The following LRIG2 variants were observed in gnomAD, a reference collection of about 807,000 sequenced individuals.
The protein encoded by LRIG2 is leucine rich repeats and immunoglobulin like domains 2, also known as leucine-rich repeats and immunoglobulin-like domains protein 2.
A neutral mutation model predicts 107.8 loss-of-function variants in LRIG2; 93 were observed. That is an observed-to-expected ratio of 0.86 (90% CI 0.73 to 1.03). The LOEUF (loss-of-function observed/expected upper bound fraction) is 1.03, where lower values mean the gene tolerates loss of function less well. Among genes scored for constraint, LRIG2 ranks in the 50% least tolerant of loss-of-function variants. The pLI is 0.00. For missense variants in LRIG2, 1,226 were observed against 1,296.0 expected (o/e 0.95, Z 0.83); for synonymous variants, 471 against 470.6 (o/e 1.00, Z -0.01).
At chr1:113,111,146 T>C (rs1263685974) in intron 13 of LRIG2, among the ~76,000 whole-genome samples, 2 of 152,218 alleles carry the variant, frequency 1.3e-5, no homozygotes, top group Non-Finnish European at 2.9e-5. Flanking sequence ...GTGATTCTCC[T>C]GTCTCCTGTA....
At chr1:113,108,045 A>G (rs1418513207) in intron 12 of LRIG2, among the ~76,000 whole-genome samples, 5 of 152,144 alleles carry the variant, frequency 3.3e-5, no homozygotes, top group African/African-American at 1.2e-4. Context: ...GTACTTTCCA[A>G]AAAGATAGCA....
At chr1:113,078,987 A>T (rs1222451301) in intron 1 of LRIG2, among the ~76,000 whole-genome samples, 3 of 152,146 alleles carry the variant, frequency 2.0e-5, no homozygotes, top group African/African-American at 7.2e-5. Flanking sequence ...GCGGTTGGAT[A>T]ATCTAGCTGA....
intron 1 of LRIG2, among the ~76,000 whole-genome samples, chr1:113,081,382 G>A (rs1329834229): frequency 2.6e-5 from 4 of 151,724 alleles, no homozygotes; most frequent in Non-Finnish European, 4.4e-5. Flanking sequence ...GTCTGAAACT[G>A]TATACTGGTC....
At chr1:113,080,503 T>G (rs1022515030) in intron 1 of LRIG2, among the ~76,000 whole-genome samples, 1 of 150,650 alleles carries the variant, frequency 6.6e-6, no homozygotes, top group African/African-American at 2.4e-5. Context: ...CCTCAGCCTC[T>G]GGAGTAGCTG....
At chr1:113,091,119 A>C (rs1273711095) in intron 1 of LRIG2, among the ~76,000 whole-genome samples, 199 bp from the exon 2 acceptor site, 1 of 151,956 alleles carries the variant, frequency 6.6e-6, no homozygotes, top group Admixed American at 6.6e-5. Flanking sequence ...TTTTTAGTAG[A>C]GATGGTGTTT....
rs1437564600 is a variant in LRIG2 at position 113,123,727 on chromosome 1, T to TTTTTTTG, written c.2972-147_2972-146insTTTTTGT. 50 of 597,092 alleles carry TTTTTTTG rather than the reference T, an allele frequency of 8.4e-5. No individual in the cohort carries two copies. In the African/African-American group the frequency reaches 9.2e-4, roughly 11 times the overall value. 37.0% of individuals were successfully genotyped at this position (597,092 alleles called of 1,614,324 possible). ...AAAGACCATGTTCTGGTGGTGGTTT[T>TTTTTTTG]TGTGTGTGTGTGTGTGTGTGTGTGT... On this transcript the variant is annotated intron_variant, in intron 17 of 17. Coordinates refer to ENST00000361127, the MANE Select transcript of LRIG2 (RefSeq NM_014813.3).
intron 1 of LRIG2, 86 bp downstream of exon 1, chr1:113,073,731 C>T (rs994970967): frequency 2.7e-5 from 35 of 1,281,428 alleles, no homozygotes; most frequent in Non-Finnish European, 3.4e-5. Flanking sequence ...CAGGCCTGGT[C>T]GGAGGGTGTG....
In LRIG2 at chr1:113,114,755, G is replaced by C; in HGVS notation, c.2409G>C (p.Trp803Cys). The change falls in exon 15 of 18, where the codon TGG becomes TGC. Residue 803 changes from tryptophan to cysteine, a missense_variant. Around this residue, in one of 3 missense-constraint regions of LRIG2, gnomAD observed 642 missense variants for 712.2 expected, o/e 0.90. Coordinates refer to ENST00000361127, the MANE Select transcript of LRIG2 (RefSeq NM_014813.3). The part of the protein sequence containing the change: ...QSSIGHEDDG[W>C]TTVGIVIIVV... ...GCATTGGGCATGAAGATGATGGCTG[G>C]ACCACAGTTGGCATTGTCATCATTG... 1.2e-6 allele frequency: 2 copies of C among 1,614,152 alleles called. No homozygotes were observed. The highest frequency in any genetic ancestry group is 1.7e-6 in the Non-Finnish European group (2 of 1,180,038).
At position 113,124,200 on chromosome 1, in the gene LRIG2, A is replaced by G. The variant is rs1250901329; in HGVS notation, c.*99A>G. 1 of 1,049,130 alleles carries G rather than the reference A, an allele frequency of 9.5e-7. No homozygotes were observed. The highest frequency in any genetic ancestry group is 1.6e-5 in the African/African-American group (1 of 63,332). The allele number at this position is 1,049,130 out of a possible 1,614,324, so 65.0% of individuals were successfully genotyped here. The stretch of plus-strand genomic sequence containing the variant: ...AAACTCCGAAGTCAGCATTTGCTTT[A>G]CTCTTTCTTTATGATTGCATCTGAC... On this transcript the variant is annotated 3_prime_UTR_variant, in exon 18 of 18. Coordinates refer to ENST00000361127, the MANE Select transcript of LRIG2 (RefSeq NM_014813.3).
intron 17 of LRIG2, among the ~76,000 whole-genome samples, chr1:113,123,443 ACATG>A (rs1284179812): frequency 6.6e-6 from 1 of 150,536 alleles, no homozygotes; most frequent in East Asian, 1.9e-4. Context: ...GCATGGTGGC[ACATG>A]CCTGTAATCC....
At chr1:113,102,559 C>T (rs1001833994) in intron 11 of LRIG2, among the ~76,000 whole-genome samples, 1 of 151,960 alleles carries the variant, frequency 6.6e-6, no homozygotes, top group African/African-American at 2.4e-5. Flanking sequence ...CATGAGCCAC[C>T]GCGCCTGGCC....
intron 5 of LRIG2, 46 bp from the exon 6 acceptor site, chr1:113,094,566 A>G: frequency 6.3e-7 from 1 of 1,593,270 alleles, no homozygotes; most frequent in Non-Finnish European, 8.5e-7. Flanking sequence ...CTGTTAGAAC[A>G]TTTTAGCAAA....
At chr1:113,103,981 G>T (rs370724821) in intron 11 of LRIG2, among the ~76,000 whole-genome samples, 4 of 152,102 alleles carry the variant, frequency 2.6e-5, no homozygotes, top group Non-Finnish European at 4.4e-5. Context: ...GTCTCTAATG[G>T]ATCCTACTTC....
intron 1 of LRIG2, among the ~76,000 whole-genome samples, chr1:113,090,682 A>G (rs558761041): frequency 2.2e-4 from 33 of 150,586 alleles, no homozygotes; most frequent in African/African-American, 8.1e-4. Context: ...CTAAAAATAC[A>G]AAAAAATTAG....
rs1293385012 is a variant in LRIG2 at position 113,079,283 on chromosome 1, GGTT to G, written c.239+5641_239+5643del. On this transcript the variant is annotated intron_variant, in intron 1 of 17. Coordinates refer to ENST00000361127, the MANE Select transcript of LRIG2 (RefSeq NM_014813.3). ...GGATTGCTTGAGCCTGGGAGGCAGA[GGTT>G]GTAATGAGCCGAAATCATGCCGCTG... Among the ~76,000 whole-genome samples, 4 of 151,206 alleles carry G rather than the reference GGTT, an allele frequency of 2.6e-5. No individual in the cohort carries two copies. In the Admixed American group the frequency reaches 2.6e-4, roughly 10 times the overall value.
rs33950364 is a variant in LRIG2, at chr1:113,094,984, A to ATT, written c.803+236_803+237dup. 3.4e-4 allele frequency among the ~76,000 whole-genome samples: 47 copies of ATT among 139,738 alleles called. 1 individual carries two copies. The South Asian group carries it at 4.0e-3, about 12-fold the overall frequency. 91.7% of individuals were successfully genotyped at this position (139,738 alleles called of 152,430 possible). A position where few individuals can be genotyped will look rare whatever the true frequency, so the allele number is the denominator to read the frequency against. On this transcript the variant is annotated intron_variant, in intron 6 of 17. Transcript: ENST00000361127. ...CTAAAAAGTTTATATATATATATAT[A>ATT]TTTTTTTTGAGATGGAGTCTCACTC...
chr1:113,083,241 A>G (rs1259142898), intron 1 of LRIG2, among the ~76,000 whole-genome samples: 2 of 106,836 alleles, frequency 1.9e-5, no homozygotes, highest in African/African-American at 7.5e-5. Flanking sequence ...TTTTTTTGAT[A>G]TGGAGTCTCC....
chr1:113,111,498 C>CT (rs2101056315), intron 13 of LRIG2, among the ~76,000 whole-genome samples: 1 of 152,334 alleles, frequency 6.6e-6, no homozygotes, highest in Non-Finnish European at 1.5e-5. Context: ...TTCTGAATCT[C>CT]TAACGTCCAT....
Position 113,074,708 on chromosome 1 carries a change from A to T in LRIG2, c.239+1063A>T, listed in dbSNP as rs540907639. On this transcript the variant is annotated intron_variant, in intron 1 of 17. Transcript: ENST00000361127. ...CCGATCACGAGGTCAAGAGATCGAG[A>T]CCATCCTGGCCAACATGGTGAAACC... 3.2e-4 allele frequency among the ~76,000 whole-genome samples: 49 copies of T among 151,868 alleles called. No individual in the cohort carries two copies. The East Asian group carries it at 9.1e-3, about 28-fold the overall frequency.
Sources: gnomAD v4.1 joint callset for allele counts (sites outside exome capture counted in the v4.1 genomes callset) on GRCh38, gnomAD v4.1.1 for gene constraint, gnomAD v4.1.1 regional missense constraint, MANE v1.5 for transcripts, NCBI Gene and HGNC (gene_info 2026-07-23, HGNC 2026-07-21) for gene names.